GPR39: variants seen among roughly 807,000 people sequenced by gnomAD.
GPR39 encodes G protein-coupled receptor 39.
In GPR39, 23 loss-of-function variants were observed where a neutral mutation model predicts 18.4. That is an observed-to-expected ratio of 1.25 (90% CI 0.90 to 1.77). The LOEUF (loss-of-function observed/expected upper bound fraction) is 1.77, where lower values mean the gene tolerates loss of function less well. GPR39 is among the 40% of genes most tolerant of loss of function. GPR39 has a pLI of 0.00. For synonymous variants in GPR39, 280 were observed against 257.9 expected, an observed-to-expected ratio of 1.09 and a Z score of -0.82; for missense variants, 647 against 602.4, an observed-to-expected ratio of 1.07 and a Z score of -0.78.
At chr2:132,558,866 C>T (rs561061209) in intron 1 of GPR39, among the ~76,000 whole-genome samples, 16 of 152,168 alleles carry the variant, frequency 1.1e-4, no homozygotes, top group Non-Finnish European at 1.6e-4. Context: ...CCACAGTTTA[C>T]ACAAGCTTCT....
chr2:132,558,364 G>A (rs780670932), intron 1 of GPR39, among the ~76,000 whole-genome samples: 3 of 152,170 alleles, frequency 2.0e-5, no homozygotes, highest in African/African-American at 7.2e-5. Flanking sequence ...TCCTGATTTG[G>A]ACAAGGAATC....
chr2:132,454,024 ATAGG>A (rs927514315), intron 1 of GPR39, among the ~76,000 whole-genome samples: 3 of 152,200 alleles, frequency 2.0e-5, no homozygotes, highest in African/African-American at 7.2e-5. Context: ...GAAGAAAGTA[ATAGG>A]TAGCTTGATG....
intron 1 of GPR39, among the ~76,000 whole-genome samples, chr2:132,501,510 T>C (rs982507268): frequency 6.6e-6 from 1 of 152,176 alleles, no homozygotes; most frequent in Admixed American, 6.6e-5. Flanking sequence ...ATGGTCTATC[T>C]TGTAGAATGT....
Position 132,526,029 on chromosome 2 carries a change from C to A in GPR39, c.856+108131C>A, listed in dbSNP as rs563700371. Among the ~76,000 whole-genome samples, 58 of 152,246 alleles carry A rather than the reference C, an allele frequency of 3.8e-4. 1 individual carries two copies. The highest frequency in any genetic ancestry group is 3.5e-3 in the Admixed American group (53 of 15,280). The stretch of plus-strand genomic sequence containing the variant: ...AAATGTGAGCAAAAAGGTCTGTGAT[C>A]CCAGACCCCAAAAGTTCTGAAAATG... On this transcript the variant is annotated intron_variant, in intron 1 of 1. Transcript: ENST00000329321.
intron 1 of GPR39, among the ~76,000 whole-genome samples, chr2:132,526,869 C>G (rs1006132381): frequency 6.6e-6 from 1 of 152,216 alleles, no homozygotes; most frequent in Non-Finnish European, 1.5e-5. Flanking sequence ...AGGTGACTAA[C>G]AGAGGGTGTT....
At chr2:132,543,410 C>A (rs1237814591) in intron 1 of GPR39, among the ~76,000 whole-genome samples, 2 of 152,154 alleles carry the variant, frequency 1.3e-5, no homozygotes, top group African/African-American at 2.4e-5. Flanking sequence ...CTTATCTGTG[C>A]AAAACATCTG....
At chr2:132,570,454 C>T (rs745558650) in intron 1 of GPR39, among the ~76,000 whole-genome samples, 5 of 152,118 alleles carry the variant, frequency 3.3e-5, no homozygotes, top group African/African-American at 1.2e-4. Context: ...AATTCCATAT[C>T]CCCCTCCTGC....
chr2:132,527,505 A>G (rs865939792), intron 1 of GPR39, among the ~76,000 whole-genome samples: 5 of 152,172 alleles, frequency 3.3e-5, no homozygotes, highest in Admixed American at 3.3e-4. Context: ...AGATCTTTGA[A>G]GAATTGCCAC....
rs576898030 is a variant in GPR39 at position 132,608,030 on chromosome 2, T to C, written c.857-37071T>C. Among the ~76,000 whole-genome samples the C allele has an allele frequency of 2.7e-4, 41 of 152,298 alleles. 1 individual carries two copies. In the South Asian group the frequency reaches 8.3e-3, roughly 31 times the overall value. On this transcript the variant is annotated intron_variant, in intron 1 of 1. Coordinates refer to ENST00000329321, the MANE Select transcript of GPR39 (RefSeq NM_001508.3). ...AACCCTCTGGAGAGGGGAAATATGATACTGAGTTCCATGCAATTAAATCTT... is the reference window on the plus strand; with the variant it reads ...AACCCTCTGGAGAGGGGAAATATGACACTGAGTTCCATGCAATTAAATCTT...
chr2:132,518,377 C>T (rs1037384453), intron 1 of GPR39, among the ~76,000 whole-genome samples: 5 of 152,164 alleles, frequency 3.3e-5, no homozygotes, highest in African/African-American at 4.8e-5. Context: ...TAATGAGCAA[C>T]AGCAAAATCA....
chr2:132,491,495 A>T (rs1396089299), intron 1 of GPR39, among the ~76,000 whole-genome samples: 2 of 152,036 alleles, frequency 1.3e-5, no homozygotes, highest in Non-Finnish European at 2.9e-5. Context: ...AATTCCTGGG[A>T]TACAATAGAA....
intron 1 of GPR39, among the ~76,000 whole-genome samples, chr2:132,642,648 C>G (rs1347826158): frequency 1.3e-5 from 2 of 152,208 alleles, no homozygotes; most frequent in African/African-American, 4.8e-5. Context: ...ACAAGCCTGC[C>G]TTATCTTCTC....
At chr2:132,425,806 G>C (rs375619036) in intron 1 of GPR39, among the ~76,000 whole-genome samples, 9 of 152,104 alleles carry the variant, frequency 5.9e-5, no homozygotes, top group African/African-American at 2.2e-4. Context: ...GGAGCTGGCA[G>C]AGAATATAGG....
chr2:132,551,010 G>A (rs1470499305), intron 1 of GPR39, among the ~76,000 whole-genome samples: 4 of 152,194 alleles, frequency 2.6e-5, no homozygotes, highest in African/African-American at 9.7e-5. Flanking sequence ...CAGTAAGTTT[G>A]TTGGTTGTAA....
chr2:132,467,973 T>C (rs765229943), intron 1 of GPR39, among the ~76,000 whole-genome samples: 2 of 152,190 alleles, frequency 1.3e-5, no homozygotes, highest in Non-Finnish European at 2.9e-5. Context: ...ATTCCACCCT[T>C]TTCTCATTCT....
At chr2:132,540,241 CCTGCACAAG>C (rs1679837869) in intron 1 of GPR39, among the ~76,000 whole-genome samples, 1 of 141,918 alleles carries the variant, frequency 7.0e-6, no homozygotes, top group Non-Finnish European at 1.5e-5. Flanking sequence ...CATACTAAGC[CCTGCACAAG>C]CTTGACAGCA....
At chr2:132,491,042 A>C (rs903168155) in intron 1 of GPR39, among the ~76,000 whole-genome samples, 2 of 152,208 alleles carry the variant, frequency 1.3e-5, no homozygotes, top group Non-Finnish European at 2.9e-5. Flanking sequence ...CGAACCTTGA[A>C]CCAAGCTGAG....
At chr2:132,613,480 A>G (rs532110191) in intron 1 of GPR39, among the ~76,000 whole-genome samples, 2 of 152,184 alleles carry the variant, frequency 1.3e-5, no homozygotes, top group Non-Finnish European at 2.9e-5. Context: ...GGTGTACTGC[A>G]GGGAGTGGGA....
chr2:132,476,110 G>T (rs1024349538), intron 1 of GPR39, among the ~76,000 whole-genome samples: 1 of 151,806 alleles, frequency 6.6e-6, no homozygotes, highest in Non-Finnish European at 1.5e-5. Flanking sequence ...CTAGTTTCAA[G>T]CCAACACCTT....
Sources: gnomAD v4.1 joint callset for allele counts (sites outside exome capture counted in the v4.1 genomes callset) on GRCh38, gnomAD v4.1.1 for gene constraint, MANE v1.5 for transcripts, NCBI Gene and HGNC (gene_info 2026-07-23, HGNC 2026-07-21) for gene names.